The following ELAPOR1 variants were observed in gnomAD, a reference collection of about 807,000 sequenced individuals.
ELAPOR1 encodes endosome/lysosome-associated apoptosis and autophagy regulator 1.
In ELAPOR1, 77 loss-of-function variants were observed where a neutral mutation model predicts 119.7. The ratio of observed to expected loss-of-function variants is 0.64; its 90% CI spans 0.54 to 0.78. The LOEUF is 0.78. Among genes scored for constraint, ELAPOR1 ranks in the 30% least tolerant of loss-of-function variants. The pLI is 0.00. For synonymous variants in ELAPOR1, 481 were observed against 487.2 expected, an observed-to-expected ratio of 0.99 and a Z score of 0.17; for missense variants, 1,115 against 1,270.4, an observed-to-expected ratio of 0.88 and a Z score of 1.86.
chr1:109,144,053 A>ATTTT lies in ELAPOR1; in HGVS notation c.154-17838_154-17837insTTTT, dbSNP rs869275387. Among the ~76,000 whole-genome samples the ATTTT allele has an allele frequency of 9.4e-4, 84 of 89,756 alleles. 4 individuals are homozygous for ATTTT. The highest frequency in any genetic ancestry group is 4.3e-3 in the African/African-American group (81 of 18,820). 58.9% of individuals were successfully genotyped at this position (89,756 alleles called of 152,430 possible). A position where few individuals can be genotyped will look rare whatever the true frequency, so the allele number is the denominator to read the frequency against. ...TAAAATTATATATATATATATATAT[A>ATTTT]TTTATATATTTTTTTTTTTTTTTGA... On this transcript the variant is annotated intron_variant, in intron 1 of 21. Transcript: ENST00000369939.
chr1:109,144,061 A>ATATATATATATATATATAT, intron 1 of ELAPOR1, among the ~76,000 whole-genome samples: 2 of 89,014 alleles, frequency 2.2e-5, no homozygotes, highest in African/African-American at 9.6e-5. Flanking sequence ...ATATTTATAT[A>ATATATATATATATATATAT]TTTTTTTTTT....
At chr1:109,164,845 C>T (rs966006049) in intron 3 of ELAPOR1, among the ~76,000 whole-genome samples, 154 bp downstream of exon 3, 7 of 152,172 alleles carry the variant, frequency 4.6e-5, no homozygotes, top group Non-Finnish European at 8.8e-5. Flanking sequence ...CAGCTGTGCC[C>T]GCAAGACCAG....
At chr1:109,166,403 TC>T (rs1328063658) in intron 3 of ELAPOR1, among the ~76,000 whole-genome samples, 1 of 152,240 alleles carries the variant, frequency 6.6e-6, no homozygotes, top group Non-Finnish European at 1.5e-5. Context: ...GCTGAAATCT[TC>T]CAAATGCTGT....
At chr1:109,142,885 A>G (rs1456166922) in intron 1 of ELAPOR1, among the ~76,000 whole-genome samples, 1 of 152,240 alleles carries the variant, frequency 6.6e-6, no homozygotes, top group East Asian at 1.9e-4. Flanking sequence ...TAGCCGAAAA[A>G]GTAGAAACAA....
intron 17 of ELAPOR1, 86 bp downstream of exon 17, chr1:109,198,161 C>G (rs1653946391): frequency 2.9e-6 from 3 of 1,046,006 alleles, no homozygotes; most frequent in Non-Finnish European, 4.4e-6. Context: ...TAGCCACCTA[C>G]TGCTTATCAA....
chr1:109,115,571 G>T (rs1019368898), intron 1 of ELAPOR1, among the ~76,000 whole-genome samples: 10 of 152,074 alleles, frequency 6.6e-5, no homozygotes, highest in Admixed American at 1.3e-4. Flanking sequence ...GAGCCACTGC[G>T]CCCAGCCCAG....
intron 11 of ELAPOR1, among the ~76,000 whole-genome samples, chr1:109,190,294 A>G (rs1050742183): frequency 2.3e-4 from 35 of 152,334 alleles, no homozygotes; most frequent in African/African-American, 7.5e-4. Flanking sequence ...CCATAAAAAC[A>G]GTGTGTGATT....
chr1:109,189,025 C>G, intron 9 of ELAPOR1, 41 bp from the exon 10 acceptor site: 1 of 1,606,632 alleles, frequency 6.2e-7, no homozygotes, highest in Admixed American at 1.7e-5. Context: ...GTGACTGCAG[C>G]CTTCCCACTG....
Position 109,164,572 on chromosome 1 carries a change from C to G in ELAPOR1, c.348C>G (p.Tyr116Ter). 6.2e-7 allele frequency: 1 copy of G among 1,614,262 alleles called. No homozygotes were observed. The highest frequency in any genetic ancestry group is 8.5e-7 in the Non-Finnish European group (1 of 1,180,030). Residue 116 changes from tyrosine to a stop codon, truncating the protein, a stop_gained, in exon 3 of 22, where the codon TAC becomes TAG. Coordinates refer to ENST00000369939, the MANE Select transcript of ELAPOR1 (RefSeq NM_020775.5). LOFTEE classifies it high-confidence loss of function. Reference sequence around the variant, plus strand: ...GTAAGCCATGCGCTGAGGGCCGCTACTCCCTCGGCACAGGCATTCGGTTTG... The same window carrying G: ...GTAAGCCATGCGCTGAGGGCCGCTAGTCCCTCGGCACAGGCATTCGGTTTG... ...QSCKPCAEGRYSLGTGIRFDE... is the reference protein window; with the variant it reads ...QSCKPCAEGR
At chr1:109,192,574 GCCTCTCC>G (rs745928061) in intron 13 of ELAPOR1, 30 bp from the exon 14 acceptor site, 6 of 1,607,654 alleles carry the variant, frequency 3.7e-6, no homozygotes, top group African/African-American at 2.7e-5. Flanking sequence ...GCTGTCTCAG[GCCTCTCC>G]CCTCTCCCCT....
chr1:109,126,479 T>C (rs538882717), intron 1 of ELAPOR1, among the ~76,000 whole-genome samples: 1 of 150,764 alleles, frequency 6.6e-6, no homozygotes, highest in Non-Finnish European at 1.5e-5. Flanking sequence ...AAAAAGCACT[T>C]TTTTTTTTTG....
intron 7 of ELAPOR1, among the ~76,000 whole-genome samples, chr1:109,179,604 G>A (rs903186441): frequency 3.3e-5 from 5 of 151,884 alleles, no homozygotes; most frequent in African/African-American, 9.7e-5. Context: ...TATCAGCAGT[G>A]GAGGTCATTA....
intron 8 of ELAPOR1, chr1:109,187,854 T>C: frequency 9.6e-7 from 1 of 1,046,122 alleles, no homozygotes; most frequent in Non-Finnish European, 1.2e-6. Context: ...GTGACCTTGG[T>C]AGCAATAAGA....
At chr1:109,197,868 A>T in intron 16 of ELAPOR1, 111 bp from the exon 17 acceptor site, 1 of 1,076,214 alleles carries the variant, frequency 9.3e-7, no homozygotes, top group Non-Finnish European at 1.4e-6. Flanking sequence ...TAAGCCACTC[A>T]GGGATGTGAT....
chr1:109,192,083 C>T (rs1348379056), intron 13 of ELAPOR1, among the ~76,000 whole-genome samples: 1 of 152,210 alleles, frequency 6.6e-6, no homozygotes, highest in Non-Finnish European at 1.5e-5. Flanking sequence ...AGTTGGCCCT[C>T]CTTGTAGTCC....
intron 3 of ELAPOR1, among the ~76,000 whole-genome samples, chr1:109,169,777 T>C (rs952542709): frequency 2.6e-5 from 4 of 152,222 alleles, no homozygotes; most frequent in African/African-American, 9.6e-5. Context: ...AGTTTCAAAT[T>C]TGGAGAGGAT....
chr1:109,120,122 G>A (rs111930481), intron 1 of ELAPOR1, among the ~76,000 whole-genome samples: 3,237 of 152,242 alleles, frequency 0.021, 42 homozygotes, highest in Non-Finnish European at 0.033. Flanking sequence ...GAGGGGCTGG[G>A]CACCATGGCT....
At chr1:109,117,876 T>C (rs1648125878) in intron 1 of ELAPOR1, among the ~76,000 whole-genome samples, 1 of 152,208 alleles carries the variant, frequency 6.6e-6, no homozygotes, top group Admixed American at 6.5e-5. Context: ...ACACCTGTAA[T>C]CCCAGCACTT....
intron 8 of ELAPOR1, chr1:109,187,258 C>T (rs1653109269): frequency 1.0e-6 from 1 of 985,336 alleles, no homozygotes; most frequent in Admixed American, 6.2e-5. Context: ...CTAGGACTCT[C>T]CTCTCCCTGA....
Sources: gnomAD v4.1 joint callset for allele counts (sites outside exome capture counted in the v4.1 genomes callset) on GRCh38, gnomAD v4.1.1 for gene constraint, MANE v1.5 for transcripts, NCBI Gene and HGNC (gene_info 2026-07-23, HGNC 2026-07-21) for gene names.